Variants in CHID1 observed in about 807,000 individuals in gnomAD.
The protein encoded by CHID1 is chitinase domain-containing protein 1.
CHID1 carries 44 observed loss-of-function variants against 55.4 expected under a neutral mutation model. The observed-to-expected ratio is 0.79, with a 90% confidence interval of 0.62 to 1.02. The LOEUF (loss-of-function observed/expected upper bound fraction) is 1.02. Among genes scored for constraint, CHID1 ranks in the 50% least tolerant of loss-of-function variants. CHID1 has a pLI of 0.00. For missense variants in CHID1, 491 were observed against 515.3 expected, an observed-to-expected ratio of 0.95 and a Z score of 0.46; for synonymous variants, 216 against 212.9, an observed-to-expected ratio of 1.01 and a Z score of -0.13.
At chr11:881,996 CCT>C (rs1296343446) in intron 10 of CHID1, among the ~76,000 whole-genome samples, 1 of 144,094 alleles carries the variant, frequency 6.9e-6, no homozygotes, top group Non-Finnish European at 1.5e-5. Context: ...AGGGTGAGAC[CCT>C]GTCTCAAAAA....
rs193156361 is a variant in CHID1, at chr11:890,779, T to G, written c.701+2648A>C. On this transcript the variant is annotated intron_variant, in intron 8 of 12. Coordinates refer to ENST00000323578, the MANE Select transcript of CHID1 (RefSeq NM_023947.4). ...CTGACTGTGGGAGCAGGGCTGGAGG[T>G]CCGCAGAGTGCTCAGTTCCAGGACC... Among the ~76,000 whole-genome samples the G allele has an allele frequency of 6.1e-3, 930 of 152,188 alleles. 12 individuals are homozygous for G. Among genetic ancestry groups the G allele is most frequent in the African/African-American group, 0.021 (860 of 41,520 alleles).
rs1163548201 is a variant in CHID1, at chr11:902,330, A to G, written c.262T>C (p.Trp88Arg). 1 of 1,609,576 alleles carries G rather than the reference A, an allele frequency of 6.2e-7. No homozygotes were observed. The highest frequency in any genetic ancestry group is 8.5e-7 in the Non-Finnish European group (1 of 1,176,314). Residue 88 changes from tryptophan (W) to arginine (R), a missense_variant and splice_region_variant, in exon 4 of 13, where the codon TGG becomes CGG. Transcript: ENST00000323578. The part of the protein sequence containing the change: ...AGDVLGYVTP[W>R]NSHGYDVTKV... ...GTGACATCGTAGCCATGGCTGTTCC[A>G]CTGGCAAAAGATGGAGACATCAGAC...
rs1851630905 is a variant in CHID1, at chr11:899,356, G to A, written c.592C>T (p.Leu198=). 1 of 1,604,016 alleles carries A rather than the reference G, an allele frequency of 6.2e-7. No homozygotes were observed. The highest frequency in any genetic ancestry group is 1.3e-5 in the African/African-American group (1 of 74,844). Residue 198 remains leucine, a synonymous_variant, in exon 7 of 13, where the codon CTA becomes TTA. Coordinates refer to ENST00000323578, the MANE Select transcript of CHID1 (RefSeq NM_023947.4). ...CCCACTCACACGCGCTTCTGGCTTA[G>A]CAGCTGGTTCCAGACCTCCACCACG... is the stretch of plus-strand genomic sequence containing the variant. ...GFVVEVWNQL[L]SQKRVGLIHM... is the part of the protein sequence containing the mutation.
At chr11:899,422 T>C (rs1187319309) in intron 6 of CHID1, 21 bp from the exon 7 acceptor site, 12 of 1,587,316 alleles carry the variant, frequency 7.6e-6, no homozygotes, top group Admixed American at 3.6e-5. Flanking sequence ...CAGTCACAGG[T>C]GAGGAGGGCC....
intron 10 of CHID1, among the ~76,000 whole-genome samples, chr11:876,310 G>A (rs915579949): frequency 2.6e-5 from 4 of 152,210 alleles, no homozygotes; most frequent in African/African-American, 9.7e-5. Context: ...TTGGTGTCCA[G>A]AGTGGATGAC....
intron 1 of CHID1, among the ~76,000 whole-genome samples, chr11:910,192 G>C (rs1021556845): frequency 6.6e-6 from 1 of 152,144 alleles, no homozygotes; most frequent in South Asian, 2.1e-4. Context: ...AGTTTGGACA[G>C]TCAGCAATGG....
intron 1 of CHID1, 137 bp downstream of exon 1, chr11:910,638 C>T: frequency 7.9e-7 from 1 of 1,267,178 alleles, no homozygotes. Flanking sequence ...CTCTCTCACG[C>T]ACCCGCCCGG....
intron 8 of CHID1, among the ~76,000 whole-genome samples, chr11:887,603 C>G (rs994236012): frequency 1.3e-5 from 2 of 152,230 alleles, no homozygotes; most frequent in African/African-American, 4.8e-5. Context: ...CCTTTGGCTC[C>G]TACTTTGCCA....
rs891808647 is a variant in CHID1 at position 887,998 on chromosome 11, C to A, written c.702-3829G>T. The stretch of plus-strand genomic sequence containing the variant: ...CATGCGTCCACCAGAAATGCAGCTC[C>A]ACGACATCCCCAAGCAGGAAGGGGC... On this transcript the variant is annotated intron_variant, in intron 8 of 12. Transcript: ENST00000323578. Among the ~76,000 whole-genome samples the A allele has an allele frequency of 2.0e-5, 3 of 152,352 alleles. No individual in the cohort carries two copies. In the East Asian group the frequency reaches 5.8e-4, roughly 29 times the overall value.
chr11:870,417 A>C lies in CHID1; in HGVS notation c.1040+2T>G, dbSNP rs1405802153. 1.2e-6 allele frequency: 2 copies of C among 1,608,020 alleles called. No homozygotes were observed. The highest frequency in any genetic ancestry group is 1.7e-6 in the Non-Finnish European group (2 of 1,176,522). The stretch of plus-strand genomic sequence containing the variant: ...GTGGGCCACGCACTTCAAAACACTC[A>C]CTTCTTGTACTCGAAGAAGTGCTCT... On this transcript the variant is annotated splice_donor_variant, in intron 11 of 12. Coordinates refer to ENST00000323578, the MANE Select transcript of CHID1 (RefSeq NM_023947.4). LOFTEE classifies it high-confidence loss of function.
At chr11:905,745 G>C (rs1182365262) in intron 1 of CHID1, among the ~76,000 whole-genome samples, 2 of 152,212 alleles carry the variant, frequency 1.3e-5, no homozygotes, top group East Asian at 1.9e-4. Flanking sequence ...GCCACGTTAA[G>C]TACTAGGAGA....
In CHID1 at chr11:875,872, G is replaced by GA. The variant is rs1479638500; in HGVS notation, c.960-5374dup. On this transcript the variant is annotated intron_variant, in intron 10 of 12. Coordinates refer to ENST00000323578, the MANE Select transcript of CHID1 (RefSeq NM_023947.4). The surrounding 1 kb of genome is among the most constrained non-coding windows in gnomAD (Gnocchi z 4.7). ...CGGGTGACAGACAGGATGAAGGAAC[G>GA]ATGGGCTCCACTCTGCAGAGGACAC... is the stretch of plus-strand genomic sequence containing the variant. Among the ~76,000 whole-genome samples, 6 of 152,092 alleles carry GA rather than the reference G, an allele frequency of 3.9e-5. No individual in the cohort carries two copies. The highest frequency in any genetic ancestry group is 7.4e-5 in the Non-Finnish European group (5 of 68,018).
Position 867,882 on chromosome 11 carries a change from A to T in CHID1, c.*1976T>A, listed in dbSNP as rs1027901313. ...TGTCACAGGGCATGAAAAAAAATGC[A>T]TCAAGGTGCCTCAGGATTCTCACAG... On this transcript the variant is annotated 3_prime_UTR_variant, in exon 13 of 13. Transcript: ENST00000323578. The T allele has an allele frequency of 6.6e-6, 1 of 152,194 alleles. No homozygotes were observed. Among genetic ancestry groups the T allele is most frequent in the Non-Finnish European group, 1.5e-5 (1 of 68,048 alleles). The allele number at this position is 152,194 out of a possible 1,614,324, so 9.4% of individuals were successfully genotyped here. A position where few individuals can be genotyped will look rare whatever the true frequency, so the allele number is the denominator to read the frequency against.
At chr11:890,857 G>A (rs1850760011) in intron 8 of CHID1, among the ~76,000 whole-genome samples, 1 of 152,118 alleles carries the variant, frequency 6.6e-6, no homozygotes, top group Non-Finnish European at 1.5e-5. Context: ...GTCTGCTGAC[G>A]AAGGACACGA....
At chr11:882,050 G>A (rs1033280076) in intron 10 of CHID1, among the ~76,000 whole-genome samples, 4 of 150,924 alleles carry the variant, frequency 2.7e-5, no homozygotes, top group African/African-American at 4.9e-5. Flanking sequence ...ATCCCAGCCC[G>A]GTGTGGTGGC....
upstream of CHID1, among the ~76,000 whole-genome samples, chr11:911,867 C>T (rs187297036): frequency 4.8e-4 from 73 of 152,284 alleles, no homozygotes; most frequent in African/African-American, 1.8e-3. Context: ...GACCTCAAGT[C>T]GGCAGAGCTC....
At position 869,820 on chromosome 11, in the gene CHID1, GA is replaced by G; in HGVS notation, c.*37del. On this transcript the variant is annotated 3_prime_UTR_variant, in exon 13 of 13. Coordinates refer to ENST00000323578, the MANE Select transcript of CHID1 (RefSeq NM_023947.4). The stretch of plus-strand genomic sequence containing the variant: ...ACCTGCTCACTCACTCCATGGCTTA[GA>G]AAAGAACACGTCCACCGCGGAGGCC... 1.3e-6 allele frequency: 2 copies of G among 1,575,860 alleles called. No homozygotes were observed. The highest frequency in any genetic ancestry group is 1.7e-6 in the Non-Finnish European group (2 of 1,146,126).
At position 902,344 on chromosome 11, in the gene CHID1, G is replaced by A; in HGVS notation, c.262-14C>T. 1.9e-6 allele frequency: 3 copies of A among 1,607,952 alleles called. No homozygotes were observed. Among genetic ancestry groups the A allele is most frequent in the Middle Eastern group, 1.7e-4 (1 of 6,038 alleles). ...ATGGCTGTTCCACTGGCAAAAGATG[G>A]AGACATCAGACGGAGGACAGGTGAG... On this transcript the variant is annotated splice_polypyrimidine_tract_variant and intron_variant, in intron 3 of 12. Coordinates refer to ENST00000323578, the MANE Select transcript of CHID1 (RefSeq NM_023947.4).
upstream of CHID1, chr11:910,905 A>G (rs7950503): frequency 0.031 from 29,191 of 956,870 alleles, 2,655 homozygotes; most frequent in African/African-American, 0.3. Context: ...GGGCTGGGCC[A>G]GGACAGGGGA....
Sources: gnomAD v4.1 joint callset for allele counts (sites outside exome capture counted in the v4.1 genomes callset) on GRCh38, gnomAD v4.1.1 for gene constraint, Gnocchi (gnomAD v3.1) non-coding constraint, MANE v1.5 for transcripts, NCBI Gene and HGNC (gene_info 2026-07-23, HGNC 2026-07-21) for gene names.